UIMC1: variants seen among roughly 807,000 people sequenced by gnomAD.
The protein encoded by UIMC1 is ubiquitin interaction motif containing 1.
UIMC1 carries 42 observed loss-of-function variants against 84.9 expected under a neutral mutation model. That is an observed-to-expected ratio of 0.49 (90% CI 0.39 to 0.64). The LOEUF (loss-of-function observed/expected upper bound fraction) is 0.64. Ranked by LOEUF, UIMC1 falls within the 30% of genes least tolerant of loss-of-function variation. The pLI is 0.00. For synonymous variants in UIMC1, 281 were observed against 293.0 expected (o/e 0.96, Z 0.42); for missense variants, 825 against 847.6 (o/e 0.97, Z 0.33).
chr5:177,012,988 G>A (rs1403119763), intron 1 of UIMC1, among the ~76,000 whole-genome samples: 3 of 151,584 alleles, frequency 2.0e-5, no homozygotes, highest in Non-Finnish European at 4.4e-5. Flanking sequence ...GGCTCAGGCA[G>A]GAGGATTGCT....
intron 6 of UIMC1, among the ~76,000 whole-genome samples, chr5:176,967,218 A>C (rs946730484): frequency 6.6e-6 from 1 of 152,176 alleles, no homozygotes; most frequent in East Asian, 1.9e-4. Flanking sequence ...ATGTGGATGA[A>C]ATGTCTTCTG....
At chr5:176,920,441 A>G in intron 10 of UIMC1, among the ~76,000 whole-genome samples, 1 of 152,206 alleles carries the variant, frequency 6.6e-6, no homozygotes, top group Admixed American at 6.5e-5. Flanking sequence ...CCATTTATTT[A>G]GGTCTTATTT....
At chr5:176,934,023 C>A (rs1207949647) in intron 10 of UIMC1, among the ~76,000 whole-genome samples, 2 of 151,988 alleles carry the variant, frequency 1.3e-5, no homozygotes, top group Admixed American at 1.3e-4. Context: ...ATAGTCATAC[C>A]CAAGTCTGTT....
intron 6 of UIMC1, among the ~76,000 whole-genome samples, chr5:176,965,948 C>A (rs938827378): frequency 6.6e-6 from 1 of 152,130 alleles, no homozygotes. Context: ...GCAGCATCTC[C>A]GAATTGGAAA....
At chr5:176,974,778 A>G (rs1377025818) in intron 3 of UIMC1, among the ~76,000 whole-genome samples, 1 of 151,866 alleles carries the variant, frequency 6.6e-6, no homozygotes, top group African/African-American at 2.4e-5. Context: ...ACGCCAGCAC[A>G]CTCAGCCCGG....
chr5:176,945,560 A>G (rs1213571560), intron 9 of UIMC1, among the ~76,000 whole-genome samples: 1 of 152,250 alleles, frequency 6.6e-6, no homozygotes, highest in Non-Finnish European at 1.5e-5. Flanking sequence ...ACGTGCAGTC[A>G]GGGAGGTTTC....
chr5:176,912,368 T>C (rs1760327536), intron 10 of UIMC1, among the ~76,000 whole-genome samples: 1 of 152,206 alleles, frequency 6.6e-6, no homozygotes, highest in South Asian at 2.1e-4. Flanking sequence ...ATTTGACCCA[T>C]GGCTGGCCAC....
chr5:176,933,065 C>T lies in UIMC1; in HGVS notation c.1597+10270G>A, dbSNP rs79223890. ...CTACTTCAAGAAATAAAAGCTTTGG[C>T]AGTGTTCACACAAGAAGGGGGCTGC... On this transcript the variant is annotated intron_variant, in intron 10 of 14. Coordinates refer to ENST00000511320, the MANE Select transcript of UIMC1 (RefSeq NM_001199298.2). 2.1e-3 allele frequency among the ~76,000 whole-genome samples: 323 copies of T among 152,182 alleles called. 3 individuals carry two copies. Among genetic ancestry groups the T allele is most frequent in the African/African-American group, 7.3e-3 (302 of 41,508 alleles).
intron 3 of UIMC1, among the ~76,000 whole-genome samples, chr5:176,971,990 G>A (rs951872741): frequency 2.0e-5 from 3 of 152,202 alleles, no homozygotes; most frequent in Non-Finnish European, 4.4e-5. Flanking sequence ...CACTGTTGAA[G>A]AATGTCAGTG....
intron 6 of UIMC1, among the ~76,000 whole-genome samples, chr5:176,960,649 CCG>C (rs1767260743): frequency 3.2e-5 from 1 of 30,912 alleles, no homozygotes; most frequent in South Asian, 8.8e-4. Context: ...GTCTCCGTCT[CCG>C]TCTCCGTCTC....
intron 2 of UIMC1, among the ~76,000 whole-genome samples, chr5:176,980,439 G>A (rs1770855266): frequency 6.6e-6 from 1 of 152,160 alleles, no homozygotes; most frequent in African/African-American, 2.4e-5. Flanking sequence ...CCACAGCATG[G>A]TTCTTTTCCT....
rs752077393 is a variant in UIMC1 at position 176,968,767 on chromosome 5, A to G, written c.988T>C (p.Ser330Pro). 28 of 1,613,998 alleles carry G rather than the reference A, an allele frequency of 1.7e-5. No homozygotes were observed. The highest frequency in any genetic ancestry group is 2.2e-5 in the East Asian group (1 of 44,886). Residue 330 changes from serine (S) to proline (P), a missense_variant, in exon 6 of 15, where the codon TCT becomes CCT. Ser to Pro is a moderately conservative substitution (Grantham distance 74, BLOSUM62 -1). Coordinates refer to ENST00000511320, the MANE Select transcript of UIMC1 (RefSeq NM_001199298.2). ...TGGCCACATTCATTCTGGATCAGAG[A>G]AGGAGGTCTAGGTAACACTGGTTCC... Reference protein sequence around the residue: ...FGEPVLPRPPSLIQNECGQGE... With the variant: ...FGEPVLPRPPPLIQNECGQGE...
intron 1 of UIMC1, among the ~76,000 whole-genome samples, chr5:176,992,275 T>C (rs968932126): frequency 6.6e-6 from 1 of 152,034 alleles, no homozygotes; most frequent in African/African-American, 2.4e-5. Flanking sequence ...CTTGGAAAAA[T>C]TTTTATATTT....
At chr5:176,923,090 T>C (rs1008944139) in intron 10 of UIMC1, among the ~76,000 whole-genome samples, 2 of 152,236 alleles carry the variant, frequency 1.3e-5, no homozygotes, top group African/African-American at 4.8e-5. Flanking sequence ...CCAGCAATGC[T>C]TATCTTTTTA....
chr5:176,943,250 TG>T, intron 10 of UIMC1, 84 bp downstream of exon 10: 2 of 1,460,180 alleles, frequency 1.4e-6, no homozygotes, highest in Non-Finnish European at 1.8e-6. Context: ...AGAACAGCTA[TG>T]TTTTTTCCCT....
chr5:176,951,615 T>A, intron 8 of UIMC1, 38 bp from the exon 9 acceptor site: 1 of 1,478,766 alleles, frequency 6.8e-7, no homozygotes, highest in Non-Finnish European at 9.1e-7. Context: ...TTAATTTTCA[T>A]TTTGTGTTTT....
At chr5:176,943,124 C>G (rs1006566666) in intron 10 of UIMC1, among the ~76,000 whole-genome samples, 2 of 152,114 alleles carry the variant, frequency 1.3e-5, no homozygotes, top group African/African-American at 4.8e-5. Flanking sequence ...CCTTCCCCTT[C>G]TCCTGAGGCA....
chr5:176,934,963 C>T (rs1338542293), intron 10 of UIMC1, among the ~76,000 whole-genome samples: 2 of 152,222 alleles, frequency 1.3e-5, no homozygotes, highest in Non-Finnish European at 2.9e-5. Flanking sequence ...AAGCCCTAAC[C>T]AGACTTGCCA....
intron 2 of UIMC1, chr5:176,980,334 GTCCATCCATCCATCCA>G (rs201884334): frequency 1.3e-5 from 2 of 149,432 alleles, no homozygotes; most frequent in South Asian, 4.3e-4. Context: ...CCGTCCATCC[GTCCATCCATCCATCCA>G]TCCATCCGCC....
Sources: gnomAD v4.1 joint callset for allele counts (sites outside exome capture counted in the v4.1 genomes callset) on GRCh38, gnomAD v4.1.1 for gene constraint, MANE v1.5 for transcripts, NCBI Gene and HGNC (gene_info 2026-07-23, HGNC 2026-07-21) for gene names.